SBF2: variants seen among roughly 807,000 people sequenced by gnomAD.
SBF2 encodes myotubularin-related protein 13.
Under a neutral mutation model 225.2 loss-of-function variants are expected in SBF2, and 112 were observed. The ratio of observed to expected loss-of-function variants is 0.50; its 90% CI spans 0.43 to 0.58. The LOEUF (loss-of-function observed/expected upper bound fraction) is 0.58. Ranked by LOEUF, SBF2 falls within the 20% of genes least tolerant of loss-of-function variation. SBF2 has a pLI of 0.00. For synonymous variants in SBF2, 763 were observed against 773.3 expected, an observed-to-expected ratio of 0.99 and a Z score of 0.22; for missense variants, 1,996 against 2,206.2, an observed-to-expected ratio of 0.90 and a Z score of 1.91.
At chr11:9,822,977 A>G (rs1455445580) in intron 28 of SBF2, among the ~76,000 whole-genome samples, 1 of 152,230 alleles carries the variant, frequency 6.6e-6, no homozygotes, top group Non-Finnish European at 1.5e-5. Flanking sequence ...CCTGGAGGTT[A>G]TTTCAAGAAT....
chr11:9,915,264 T>G (rs1201634552), intron 16 of SBF2, among the ~76,000 whole-genome samples: 1 of 151,970 alleles, frequency 6.6e-6, no homozygotes, highest in Non-Finnish European at 1.5e-5. Context: ...CTGGCCACCA[T>G]GGTGAAACCC....
intron 2 of SBF2, among the ~76,000 whole-genome samples, chr11:10,093,278 G>A (rs937935923): frequency 2.6e-5 from 4 of 151,294 alleles, no homozygotes; most frequent in Admixed American, 1.3e-4. Flanking sequence ...GCCTCCCAAA[G>A]TGCTGGGATT....
chr11:10,046,756 C>T (rs1201516253), intron 2 of SBF2, among the ~76,000 whole-genome samples: 2 of 151,526 alleles, frequency 1.3e-5, no homozygotes, highest in Non-Finnish European at 2.9e-5. Context: ...TCAATATTAT[C>T]CTACAAGTCC....
chr11:10,136,177 T>A (rs1157223682), intron 2 of SBF2, among the ~76,000 whole-genome samples: 21 of 152,016 alleles, frequency 1.4e-4, no homozygotes. Context: ...CACGAGAATA[T>A]CATGGGAAAG....
intron 6 of SBF2, among the ~76,000 whole-genome samples, chr11:10,018,377 A>G (rs961008512): frequency 2.6e-5 from 4 of 152,192 alleles, no homozygotes; most frequent in African/African-American, 9.6e-5. Flanking sequence ...GCACAGGAAA[A>G]AAAAAGGTAC....
At chr11:9,988,084 A>AAT (rs527912982) in intron 13 of SBF2, among the ~76,000 whole-genome samples, 51 of 152,336 alleles carry the variant, frequency 3.3e-4, no homozygotes, top group East Asian at 3.3e-3. Flanking sequence ...AATGGAACAG[A>AAT]ATAGAGAACC....
intron 2 of SBF2, among the ~76,000 whole-genome samples, chr11:10,095,191 G>A (rs1192690895): frequency 6.6e-6 from 1 of 152,016 alleles, no homozygotes; most frequent in Non-Finnish European, 1.5e-5. Flanking sequence ...CCAAAAAGCT[G>A]GGATTAGAGA....
intron 17 of SBF2, among the ~76,000 whole-genome samples, chr11:9,869,443 C>T (rs1218198983): frequency 4.6e-5 from 7 of 152,038 alleles, no homozygotes; most frequent in Non-Finnish European, 7.4e-5. Flanking sequence ...CTCAGCCTCC[C>T]GAGTAGCTGG....
chr11:10,269,845 T>C (rs972558843), intron 1 of SBF2, among the ~76,000 whole-genome samples: 1 of 152,112 alleles, frequency 6.6e-6, no homozygotes, highest in African/African-American at 2.4e-5. Context: ...CACTGGAACC[T>C]CAAATTCCTG....
intron 6 of SBF2, among the ~76,000 whole-genome samples, chr11:10,021,418 A>G (rs745495488): frequency 6.6e-6 from 1 of 152,090 alleles, no homozygotes; most frequent in Non-Finnish European, 1.5e-5. Context: ...CAGGTAAACA[A>G]AAATAGTTCA....
intron 6 of SBF2, among the ~76,000 whole-genome samples, chr11:10,005,435 C>T (rs760612795): frequency 6.6e-6 from 1 of 152,102 alleles, no homozygotes; most frequent in Non-Finnish European, 1.5e-5. Flanking sequence ...TATAAAATCC[C>T]GAGTCAAAGC....
chr11:9,990,482 A>G (rs978370718), intron 12 of SBF2, among the ~76,000 whole-genome samples: 1 of 152,186 alleles, frequency 6.6e-6, no homozygotes, highest in Non-Finnish European at 1.5e-5. Context: ...AGCAAATGCT[A>G]TTTTTCTACC....
chr11:9,968,245 C>T (rs1590635659), intron 14 of SBF2, 96 bp downstream of exon 14: 2 of 1,090,060 alleles, frequency 1.8e-6, no homozygotes, highest in East Asian at 2.4e-5. Context: ...GGAGTTTGTT[C>T]ACTTTGTGAA....
rs547262918 is a variant in SBF2, at chr11:9,980,589, A to ATT, written c.1395+8906_1395+8907dup. Among the ~76,000 whole-genome samples, 927 of 145,566 alleles carry ATT rather than the reference A, an allele frequency of 6.4e-3. 4 individuals are homozygous for ATT. Among genetic ancestry groups the ATT allele is most frequent in the Middle Eastern group, 0.021 (6 of 286 alleles). On this transcript the variant is annotated intron_variant, in intron 13 of 39. Coordinates refer to ENST00000256190, the MANE Select transcript of SBF2 (RefSeq NM_030962.4). ...GCAATTGATAAAACAGAACTTAAGAATTTTTTTTTTTTTTTAAGACGGAGT... is the reference window on the plus strand; with the variant it reads ...GCAATTGATAAAACAGAACTTAAGAATTTTTTTTTTTTTTTTTAAGACGGAGT...
intron 2 of SBF2, among the ~76,000 whole-genome samples, chr11:10,188,979 G>T (rs1957055751): frequency 6.6e-6 from 1 of 152,174 alleles, no homozygotes; most frequent in South Asian, 2.1e-4. Flanking sequence ...CAAATCAAGA[G>T]TCCTTCCACA....
intron 16 of SBF2, among the ~76,000 whole-genome samples, chr11:9,928,397 G>C (rs1864223260): frequency 6.6e-6 from 1 of 152,138 alleles, no homozygotes; most frequent in East Asian, 1.9e-4. Context: ...AACCACATGA[G>C]ATACAACCAC....
At chr11:9,907,885 T>A (rs1862233989) in intron 16 of SBF2, among the ~76,000 whole-genome samples, 1 of 152,226 alleles carries the variant, frequency 6.6e-6, no homozygotes, top group Non-Finnish European at 1.5e-5. Context: ...ATTATGTCCT[T>A]TTTGTTGATA....
chr11:10,257,448 T>C (rs780348651), intron 1 of SBF2, among the ~76,000 whole-genome samples: 1 of 151,860 alleles, frequency 6.6e-6, no homozygotes, highest in Non-Finnish European at 1.5e-5. Flanking sequence ...GGAGGACCAC[T>C]TGAGCTCAGA....
intron 2 of SBF2, among the ~76,000 whole-genome samples, chr11:10,138,814 A>G (rs981352757): frequency 1.3e-4 from 20 of 152,154 alleles, no homozygotes; most frequent in African/African-American, 4.6e-4. Context: ...TTTCAAATTT[A>G]AAAAAATTTT....
Sources: allele counts gnomAD v4.1 joint callset (sites outside exome capture counted in the v4.1 genomes callset), GRCh38; gene constraint gnomAD v4.1.1; transcripts MANE v1.5; gene names NCBI Gene and HGNC (gene_info 2026-07-23, HGNC 2026-07-21).